The following PPFIA3 variants were observed in gnomAD, a reference collection of about 807,000 sequenced individuals.
PPFIA3 encodes PPFI scaffold protein A3, also known as liprin-alpha-3.
Under a neutral mutation model 145.8 loss-of-function variants are expected in PPFIA3, and 26 were observed. The ratio of observed to expected loss-of-function variants is 0.18; its 90% confidence interval spans 0.13 to 0.25. The LOEUF (loss-of-function observed/expected upper bound fraction) is 0.25, where lower values mean the gene tolerates loss of function less well. PPFIA3 is among the 10% of genes least tolerant of loss of function. The pLI is 1.00. For missense variants in PPFIA3, 1,008 were observed against 1,587.8 expected, an observed-to-expected ratio of 0.63 and a Z score of 6.21; for synonymous variants, 645 against 661.4, an observed-to-expected ratio of 0.98 and a Z score of 0.38.
Position 49,135,857 on chromosome 19 carries a change from T to C in PPFIA3, c.1599T>C (p.Tyr533=). Residue 533 remains tyrosine, a synonymous_variant, in exon 14 of 30, where the codon TAT becomes TAC. Coordinates refer to ENST00000334186, the MANE Select transcript of PPFIA3 (RefSeq NM_003660.4). ...CTTCTGGTGCCCACCTGGATCCCTA[T>C]GTGGCTGGCAGTGGTCGGGCAGGCA... is the stretch of plus-strand genomic sequence containing the variant. The part of the protein sequence containing the change: ...TLPSGAHLDP[Y]VAGSGRAGKR... 1 of 1,613,990 alleles carries C rather than the reference T, an allele frequency of 6.2e-7. No individual in the cohort carries two copies. Among genetic ancestry groups the C allele is most frequent in the Non-Finnish European group, 8.5e-7 (1 of 1,179,954 alleles).
chr19:49,132,871 G>C, intron 7 of PPFIA3, 130 bp from the exon 8 acceptor site: 1 of 1,187,856 alleles, frequency 8.4e-7, no homozygotes, highest in South Asian at 1.5e-5. Context: ...AGTCCTGGGA[G>C]CTCTTAGCGG....
At chr19:49,127,080 C>CAAAAAA (rs11304397) in intron 1 of PPFIA3, among the ~76,000 whole-genome samples, 1 of 69,830 alleles carries the variant, frequency 1.4e-5, no homozygotes, top group African/African-American at 6.3e-5. Flanking sequence ...CTCATCTCCA[C>CAAAAAA]AAAAAAAAAA....
intron 21 of PPFIA3, among the ~76,000 whole-genome samples, chr19:49,144,895 C>G (rs562791253): frequency 1.2e-4 from 18 of 151,514 alleles, no homozygotes; most frequent in African/African-American, 4.1e-4. Flanking sequence ...TAAGGGCATT[C>G]ACATTGTTGT....
chr19:49,145,173 C>A (rs916255473), intron 21 of PPFIA3, among the ~76,000 whole-genome samples: 1 of 152,002 alleles, frequency 6.6e-6, no homozygotes, highest in African/African-American at 2.4e-5. Context: ...CTCAGGTGAT[C>A]CACCCGCCTC....
At chr19:49,129,849 A>C (rs2041047684) in intron 5 of PPFIA3, 144 bp from the exon 6 acceptor site, 170 of 805,912 alleles carry the variant, frequency 2.1e-4, no homozygotes, top group Non-Finnish European at 3.0e-4. Flanking sequence ...GCCTAAGGGT[A>C]AACCGTGGGG....
At position 49,147,369 on chromosome 19, in the gene PPFIA3, T is replaced by C. The variant is rs549593065; in HGVS notation, c.2836-714T>C. On this transcript the variant is annotated intron_variant, in intron 23 of 29. Transcript: ENST00000334186. ...GAAGCTGAGGTCAACCTGGGCAACATAGTAAGACCCTGTCTCTAAAAAATA... is the reference window on the plus strand; with the variant it reads ...GAAGCTGAGGTCAACCTGGGCAACACAGTAAGACCCTGTCTCTAAAAAATA... Among the ~76,000 whole-genome samples, 17 of 152,108 alleles carry C rather than the reference T, an allele frequency of 1.1e-4. No individual in the cohort carries two copies. The East Asian group carries it at 2.7e-3, about 24-fold the overall frequency.
chr19:49,143,682 A>T (rs761595255), intron 21 of PPFIA3, among the ~76,000 whole-genome samples: 1 of 152,046 alleles, frequency 6.6e-6, no homozygotes, highest in African/African-American at 2.4e-5. Flanking sequence ...CCTCGTTCCA[A>T]CTTTTGATTA....
chr19:49,140,144 CCTTT>C, intron 18 of PPFIA3, 56 bp downstream of exon 18: 7 of 1,569,706 alleles, frequency 4.5e-6, no homozygotes, highest in Non-Finnish European at 6.1e-6. Context: ...TTCCTCCCTC[CCTTT>C]CTTTCTTCTT....
intron 21 of PPFIA3, 126 bp downstream of exon 21, chr19:49,143,130 C>G (rs77137842): frequency 0.011 from 12,114 of 1,107,846 alleles, 93 homozygotes; most frequent in Non-Finnish European, 0.013. Context: ...GGCTTTTACC[C>G]CCCTCAGCCT....
chr19:49,132,880 G>T, intron 7 of PPFIA3, 121 bp from the exon 8 acceptor site: 1 of 1,304,496 alleles, frequency 7.7e-7, no homozygotes, highest in South Asian at 1.4e-5. Flanking sequence ...AGCTCTTAGC[G>T]GGTGTGACAC....
chr19:49,141,636 G>A (rs2041225301), intron 19 of PPFIA3, 123 bp downstream of exon 19: 1 of 680,474 alleles, frequency 1.5e-6, no homozygotes, highest in Non-Finnish European at 2.3e-6. Context: ...GTGAGTGTGT[G>A]TGTGCAGCGG....
At chr19:49,143,406 CTTG>C (rs1391263391) in intron 21 of PPFIA3, among the ~76,000 whole-genome samples, 1 of 151,988 alleles carries the variant, frequency 6.6e-6, no homozygotes, top group Non-Finnish European at 1.5e-5. Context: ...GAGTTTCGCT[CTTG>C]TTGTCCAGGC....
chr19:49,121,786 T>A (rs983908701), intron 1 of PPFIA3, among the ~76,000 whole-genome samples: 10 of 151,576 alleles, frequency 6.6e-5, no homozygotes, highest in Non-Finnish European at 2.9e-5. Flanking sequence ...CAAAAAAAAA[T>A]TTTATTTATT....
intron 16 of PPFIA3, 68 bp from the exon 17 acceptor site, chr19:49,139,600 T>A (rs1421871880): frequency 1.4e-6 from 2 of 1,478,610 alleles, no homozygotes; most frequent in African/African-American, 2.8e-5. Context: ...AGTAGACATC[T>A]CAGTTAATAA....
Position 49,141,598 on chromosome 19 carries a change from A to G in PPFIA3, c.2462+85A>G, listed in dbSNP as rs961197119. ...TGTGTGTGTGCGTGTATGTGTGTGT[A>G]TGAGTGTGTGTGTGTGTGAGAGGGT... On this transcript the variant is annotated intron_variant, in intron 19 of 29. Coordinates refer to ENST00000334186, the MANE Select transcript of PPFIA3 (RefSeq NM_003660.4). 31 of 1,064,406 alleles carry G rather than the reference A, an allele frequency of 2.9e-5. No homozygotes were observed. The highest frequency in any genetic ancestry group is 1.9e-4 in the African/African-American group (9 of 47,458). 65.9% of individuals were successfully genotyped at this position (1,064,406 alleles called of 1,614,324 possible). A position where few individuals can be genotyped will look rare whatever the true frequency, so the allele number is the denominator to read the frequency against.
intron 1 of PPFIA3, among the ~76,000 whole-genome samples, chr19:49,127,656 C>A (rs2041018711): frequency 6.6e-6 from 1 of 152,104 alleles, no homozygotes; most frequent in Non-Finnish European, 1.5e-5. Context: ...GGTGGCCAAT[C>A]TTTGGTTTCC....
Position 49,128,482 on chromosome 19 carries a change from A to C in PPFIA3, c.342+14A>C. ...AACAACACGCGGGTGAGGGGTGTTG[A>C]GGGCGGGGCCTAAGTGGGGGCGGGG... On this transcript the variant is annotated intron_variant, in intron 3 of 29. Transcript: ENST00000334186. The surrounding 1 kb of genome is among the most constrained non-coding windows in gnomAD (Gnocchi z 4.1). 1 of 697,498 alleles carries C rather than the reference A, an allele frequency of 1.4e-6. No individual in the cohort carries two copies. Among genetic ancestry groups the C allele is most frequent in the Non-Finnish European group, 1.9e-6 (1 of 534,314 alleles). 43.2% of individuals were successfully genotyped at this position (697,498 alleles called of 1,614,324 possible).
At chr19:49,129,477 G>T in intron 5 of PPFIA3, 23 bp downstream of exon 5, 1 of 1,551,006 alleles carries the variant, frequency 6.4e-7, no homozygotes, top group Non-Finnish European at 8.7e-7. Flanking sequence ...CCAAGACAGG[G>T]AATTTGAATC....
chr19:49,121,230 C>T (rs1165469950), intron 1 of PPFIA3, among the ~76,000 whole-genome samples: 3 of 152,236 alleles, frequency 2.0e-5, no homozygotes, highest in African/African-American at 4.8e-5. Flanking sequence ...ACACACATCA[C>T]CTCCTCCAGA....
Sources: allele counts gnomAD v4.1 joint callset (sites outside exome capture counted in the v4.1 genomes callset), GRCh38; gene constraint gnomAD v4.1.1; non-coding constraint Gnocchi (gnomAD v3.1); transcripts MANE v1.5; gene names NCBI Gene and HGNC (gene_info 2026-07-23, HGNC 2026-07-21).